AK9: variants seen among roughly 807,000 people sequenced by gnomAD.
The protein encoded by AK9 is adenylate kinase 9.
Under a neutral mutation model 239.6 loss-of-function variants are expected in AK9, and 191 were observed. The observed-to-expected ratio is 0.80, with a 90% CI of 0.71 to 0.90. AK9 has a LOEUF of 0.90. Ranked by LOEUF, AK9 falls within the 40% of genes least tolerant of loss-of-function variation. The pLI is 0.00. For missense variants in AK9, 1,995 were observed against 2,214.7 expected, an observed-to-expected ratio of 0.90 and a Z score of 1.99; for synonymous variants, 689 against 721.0, an observed-to-expected ratio of 0.96 and a Z score of 0.71.
At chr6:109,494,189 C>A in intron 39 of AK9, 94 bp from the exon 40 acceptor site, 1 of 800,770 alleles carries the variant, frequency 1.2e-6, no homozygotes, top group South Asian at 1.9e-5. Context: ...TATTTCTTTG[C>A]CTCAAATAGC....
chr6:109,649,795 G>A (rs1798643014), intron 8 of AK9, among the ~76,000 whole-genome samples: 1 of 152,174 alleles, frequency 6.6e-6, no homozygotes, highest in Non-Finnish European at 1.5e-5. Context: ...TAAGCCAAAA[G>A]AACAAAGCTG....
At chr6:109,640,462 A>G (rs571486249) in intron 10 of AK9, among the ~76,000 whole-genome samples, 1 of 152,256 alleles carries the variant, frequency 6.6e-6, no homozygotes. Flanking sequence ...AGTCCCAATG[A>G]GATGAACCAG....
At chr6:109,669,476 A>T (rs2128331515) in intron 5 of AK9, among the ~76,000 whole-genome samples, 1 of 152,188 alleles carries the variant, frequency 6.6e-6, no homozygotes, top group East Asian at 1.9e-4. Context: ...CAGTTTTCAA[A>T]AGGAATGCTT....
At chr6:109,536,598 T>C (rs1245219573) in intron 27 of AK9, among the ~76,000 whole-genome samples, 7 of 152,128 alleles carry the variant, frequency 4.6e-5, no homozygotes, top group Non-Finnish European at 1.5e-5. Flanking sequence ...CATTTATTTC[T>C]TTCTCCTGCC....
chr6:109,648,002 T>C (rs951716188), intron 8 of AK9, among the ~76,000 whole-genome samples: 1 of 151,764 alleles, frequency 6.6e-6, no homozygotes, highest in Non-Finnish European at 1.5e-5. Context: ...GGGTACATAA[T>C]GAAATGAAGG....
rs567784824 is a variant in AK9 at position 109,562,513 on chromosome 6, C to T, written c.2751+1084G>A. Among the ~76,000 whole-genome samples, 261 of 152,264 alleles carry T rather than the reference C, an allele frequency of 1.7e-3. 1 individual carries two copies. The highest frequency in any genetic ancestry group is 3.0e-3 in the Non-Finnish European group (202 of 68,016). The stretch of plus-strand genomic sequence containing the variant: ...CCTCATTGTGAGTCATATTTTTCTG[C>T]CTGTTTGCAGGTCACACAATCCTTC... On this transcript the variant is annotated intron_variant, in intron 24 of 40. Transcript: ENST00000424296.
intron 34 of AK9, 24 bp downstream of exon 34, chr6:109,506,630 T>C (rs1778151533): frequency 6.5e-7 from 1 of 1,532,624 alleles, no homozygotes. Context: ...ATTCCTTTTT[T>C]GTTGTCTTCA....
chr6:109,597,994 T>C (rs1791290806), intron 17 of AK9, among the ~76,000 whole-genome samples: 1 of 152,160 alleles, frequency 6.6e-6, no homozygotes, highest in African/African-American at 2.4e-5. Flanking sequence ...TACAGCTTTC[T>C]AAGAAATTAA....
intron 35 of AK9, among the ~76,000 whole-genome samples, chr6:109,504,035 T>C (rs1461700396): frequency 1.3e-5 from 2 of 152,180 alleles, no homozygotes; most frequent in Non-Finnish European, 2.9e-5. Context: ...CACAGGTGTA[T>C]CTCCTGATTA....
Position 109,529,025 on chromosome 6 carries a change from T to C in AK9, c.3619A>G (p.Lys1207Glu). The C allele has an allele frequency of 6.2e-7, 1 of 1,604,248 alleles. No homozygotes were observed. The highest frequency in any genetic ancestry group is 2.2e-5 in the East Asian group (1 of 44,816). The change falls in exon 29 of 41, where the codon AAA (lysine) becomes GAA (glutamate). Residue 1207 changes from lysine (K) to glutamate (E), a missense_variant. Physicochemically the swap from Lys to Glu is moderately conservative, Grantham distance 56. Transcript: ENST00000424296. Reference sequence around the variant, plus strand: ...AAACTACTTACCTCCCTCCTTTTTTTATCTCTCTCTAATATAAGTTCAGCC... The same window carrying C: ...AAACTACTTACCTCCCTCCTTTTTTCATCTCTCTCTAATATAAGTTCAGCC... ...RRAELILERD[K>E]KRRENVVRDD...
At position 109,573,493 on chromosome 6, in the gene AK9, AC is replaced by A; in HGVS notation, c.2292del (p.Trp764CysfsTer82). On this transcript the variant is annotated frameshift_variant, in exon 21 of 41. Coordinates refer to ENST00000424296, the MANE Select transcript of AK9 (RefSeq NM_001145128.3). LOFTEE classifies it high-confidence loss of function. ...PEASHDTRGS[W>X]LPEEFEASEV... The stretch of plus-strand genomic sequence containing the variant: ...TCAGATGCTTCAAACTCCTCAGGTA[AC>A]CATGACCCTCGGGTATCGTGAGATG... The A allele has an allele frequency of 6.4e-7, 1 of 1,551,400 alleles. No individual in the cohort carries two copies.
intron 29 of AK9, among the ~76,000 whole-genome samples, chr6:109,521,063 T>A (rs1012784402): frequency 6.6e-6 from 1 of 152,102 alleles, no homozygotes; most frequent in Non-Finnish European, 1.5e-5. Context: ...TAGTTTAACT[T>A]CTTTTCTTAT....
intron 17 of AK9, among the ~76,000 whole-genome samples, chr6:109,608,445 G>A (rs1793185312): frequency 6.6e-6 from 1 of 151,856 alleles, no homozygotes; most frequent in South Asian, 2.1e-4. Flanking sequence ...AGTGGTGTTA[G>A]AGCAACTAGC....
intron 28 of AK9, among the ~76,000 whole-genome samples, chr6:109,531,653 C>T (rs183386035): frequency 2.0e-5 from 3 of 152,302 alleles, no homozygotes; most frequent in South Asian, 2.1e-4. Context: ...TCTGTCATCA[C>T]GGAGATTTCT....
chr6:109,563,450 G>T (rs1583020886), intron 24 of AK9, 147 bp downstream of exon 24: 1 of 1,231,268 alleles, frequency 8.1e-7, no homozygotes. Flanking sequence ...ATTTCAGGGG[G>T]GTCAAGTGAA....
intron 10 of AK9, 31 bp from the exon 11 acceptor site, chr6:109,633,354 T>C (rs1796349656): frequency 6.4e-7 from 1 of 1,574,366 alleles, no homozygotes; most frequent in Non-Finnish European, 8.5e-7. Flanking sequence ...ATTAAAAATA[T>C]GGGCATAAAT....
chr6:109,570,244 C>A (rs1787226358), intron 21 of AK9, among the ~76,000 whole-genome samples: 2 of 151,346 alleles, frequency 1.3e-5, no homozygotes, highest in African/African-American at 4.9e-5. Flanking sequence ...AACACTTGGA[C>A]ACATGGTTGG....
At chr6:109,665,039 C>CA (rs1160857888) in intron 5 of AK9, among the ~76,000 whole-genome samples, 1 of 151,740 alleles carries the variant, frequency 6.6e-6, no homozygotes, top group African/African-American at 2.4e-5. Context: ...GACTCCGTCT[C>CA]AAAAAAAATA....
Position 109,514,391 on chromosome 6 carries a change from G to A in AK9, c.4112C>T (p.Pro1371Leu). Residue 1371 changes from proline (P) to leucine (L), a missense_variant, in exon 32 of 41, where the codon CCA becomes CTA. By Grantham distance (98) the Pro-to-Leu change is moderately conservative (BLOSUM62 -3). Transcript: ENST00000424296. ...CTGACGATGGATTACAGGATAAATT[G>A]GATTCTCTGCATTTTCAACTGGCTT... Reference protein sequence around the residue: ...TIKPVENAENPIYPVIHRQYI... With the variant: ...TIKPVENAENLIYPVIHRQYI... 6.5e-7 allele frequency: 1 copy of A among 1,550,046 alleles called. No individual in the cohort carries two copies. The highest frequency in any genetic ancestry group is 8.7e-7 in the Non-Finnish European group (1 of 1,146,692).
Sources: allele counts gnomAD v4.1 joint callset (sites outside exome capture counted in the v4.1 genomes callset), GRCh38; gene constraint gnomAD v4.1.1; transcripts MANE v1.5; gene names NCBI Gene and HGNC (gene_info 2026-07-23, HGNC 2026-07-21).